Variants in NECAB1 observed in about 807,000 individuals in gnomAD.
NECAB1 encodes the protein N-terminal EF-hand calcium binding protein 1.
In NECAB1, 29 loss-of-function variants were observed where a neutral mutation model predicts 57.5. That is an observed-to-expected ratio of 0.50 (90% CI 0.38 to 0.69). The LOEUF is 0.69. Ranked by LOEUF, NECAB1 falls within the 30% of genes least tolerant of loss-of-function variation. The pLI is 0.00. For synonymous variants in NECAB1, 142 were observed against 147.7 expected, an observed-to-expected ratio of 0.96 and a Z score of 0.28; for missense variants, 372 against 413.8, an observed-to-expected ratio of 0.90 and a Z score of 0.88.
intron 4 of NECAB1, among the ~76,000 whole-genome samples, chr8:90,879,172 C>A: frequency 7.2e-6 from 1 of 138,850 alleles, no homozygotes; most frequent in Non-Finnish European, 1.5e-5. Context: ...TTTTTAGCAA[C>A]AATTTTTTTG....
chr8:90,862,754 A>C (rs1808424826), intron 3 of NECAB1, among the ~76,000 whole-genome samples: 1 of 152,072 alleles, frequency 6.6e-6, no homozygotes, highest in African/African-American at 2.4e-5. Flanking sequence ...AATTCTATTG[A>C]ATGTTGGAAA....
chr8:90,953,594 CATTT>C (rs1810960439), intron 12 of NECAB1, among the ~76,000 whole-genome samples: 2 of 152,212 alleles, frequency 1.3e-5, no homozygotes, highest in Admixed American at 6.5e-5. Context: ...AACATTTTGA[CATTT>C]ATTGGGACAT....
At chr8:90,947,042 T>C (rs1387611214) in intron 10 of NECAB1, among the ~76,000 whole-genome samples, 1 of 152,102 alleles carries the variant, frequency 6.6e-6, no homozygotes, top group Non-Finnish European at 1.5e-5. Flanking sequence ...AATGCTTAAA[T>C]TAGACCCTGG....
Position 90,906,883 on chromosome 8 carries a change from A to ATG in NECAB1, c.358-10608_358-10607insGT, listed in dbSNP as rs1451327912. Among the ~76,000 whole-genome samples, 382 of 80,764 alleles carry ATG rather than the reference A, an allele frequency of 4.7e-3. 11 individuals are homozygous for ATG. Among genetic ancestry groups the ATG allele is most frequent in the African/African-American group, 0.017 (357 of 21,026 alleles). The allele number at this position is 80,764 out of a possible 152,430, so 53.0% of individuals were successfully genotyped here. ...CCTTACATATGATATACACATATATATATATATATATATATATATATATAT... is the reference window on the plus strand; with the variant it reads ...CCTTACATATGATATACACATATATATGTATATATATATATATATATATATAT... On this transcript the variant is annotated intron_variant, in intron 5 of 12. Transcript: ENST00000417640.
chr8:90,864,802 T>G (rs1366489118), intron 3 of NECAB1, among the ~76,000 whole-genome samples: 1 of 152,180 alleles, frequency 6.6e-6, no homozygotes, highest in South Asian at 2.1e-4. Flanking sequence ...GCATGGCTTA[T>G]GTCATCTTAC....
intron 1 of NECAB1, 29 bp downstream of exon 1, chr8:90,792,014 T>G (rs2130633385): frequency 2.0e-4 from 299 of 1,524,238 alleles, no homozygotes; most frequent in Middle Eastern, 3.4e-4. Flanking sequence ...AGCTGGGCGG[T>G]TGCTTCCCAG....
chr8:90,825,306 A>G (rs1443510699), intron 3 of NECAB1, among the ~76,000 whole-genome samples: 1 of 151,864 alleles, frequency 6.6e-6, no homozygotes, highest in African/African-American at 2.4e-5. Flanking sequence ...TGGAGAGCCA[A>G]TGTATATGGT....
At chr8:90,826,305 G>A (rs1370084654) in intron 3 of NECAB1, among the ~76,000 whole-genome samples, 1 of 151,882 alleles carries the variant, frequency 6.6e-6, no homozygotes, top group Non-Finnish European at 1.5e-5. Flanking sequence ...GTTTGCAAAA[G>A]TGCTTCAACT....
chr8:90,917,459 T>C, intron 5 of NECAB1, 33 bp from the exon 6 acceptor site: 3 of 1,557,828 alleles, frequency 1.9e-6, no homozygotes, highest in East Asian at 4.5e-5. Flanking sequence ...TTTTCTACCA[T>C]ACTTCTAATT....
chr8:90,804,971 A>G (rs532439145), intron 2 of NECAB1, among the ~76,000 whole-genome samples: 31 of 152,230 alleles, frequency 2.0e-4, no homozygotes, highest in Non-Finnish European at 3.8e-4. Context: ...TTTTGCTGCT[A>G]TTATGATTAA....
At chr8:90,918,116 T>G (rs539763841) in intron 6 of NECAB1, among the ~76,000 whole-genome samples, 1 of 150,790 alleles carries the variant, frequency 6.6e-6, no homozygotes, top group South Asian at 2.1e-4. Context: ...TTCAAGCAAT[T>G]CTTGTGCCTC....
rs1435042095 is a variant in NECAB1, at chr8:90,805,609, C to A, written c.124+3894C>A. On this transcript the variant is annotated intron_variant, in intron 2 of 12. Coordinates refer to ENST00000417640, the MANE Select transcript of NECAB1 (RefSeq NM_022351.5). ...TGCTAGTGCTTTGAGCCAAAGAAAC[C>A]CAAATTCAAATTTTTAGAAATATAA... 2.0e-5 allele frequency among the ~76,000 whole-genome samples: 3 copies of A among 150,544 alleles called. No homozygotes were observed. In the East Asian group the frequency reaches 5.8e-4, roughly 29 times the overall value.
Position 90,925,326 on chromosome 8 carries a change from TAAAG to T in NECAB1, c.495-204_495-201del, listed in dbSNP as rs1441396330. ...CAATTTTTACTCAGAATTTTAAGAATAAAGAAAGCTCAGAATTCTCTTTCTTAGG... is the reference window on the plus strand; with the variant it reads ...CAATTTTTACTCAGAATTTTAAGAATAAAGCTCAGAATTCTCTTTCTTAGG... On this transcript the variant is annotated intron_variant, in intron 6 of 12. Coordinates refer to ENST00000417640, the MANE Select transcript of NECAB1 (RefSeq NM_022351.5). Among the ~76,000 whole-genome samples, 17 of 152,322 alleles carry T rather than the reference TAAAG, an allele frequency of 1.1e-4. No homozygotes were observed. In the East Asian group the frequency reaches 3.1e-3, roughly 28 times the overall value.
At chr8:90,919,124 A>T (rs1306848093) in intron 6 of NECAB1, among the ~76,000 whole-genome samples, 1 of 152,166 alleles carries the variant, frequency 6.6e-6, no homozygotes, top group East Asian at 1.9e-4. Flanking sequence ...TGCTTAAGAG[A>T]CACCTATACT....
At chr8:90,923,387 C>T (rs930446714) in intron 6 of NECAB1, among the ~76,000 whole-genome samples, 2 of 101,414 alleles carry the variant, frequency 2.0e-5, no homozygotes, top group Non-Finnish European at 3.4e-5. Flanking sequence ...CAACAGGGCT[C>T]AGACTCCAGT....
intron 5 of NECAB1, among the ~76,000 whole-genome samples, chr8:90,902,222 C>T (rs981517051): frequency 6.6e-6 from 1 of 152,234 alleles, no homozygotes; most frequent in African/African-American, 2.4e-5. Context: ...GAGTTTGAGA[C>T]CAGCCTGGAC....
chr8:90,808,108 A>G (rs1197277261), intron 2 of NECAB1, among the ~76,000 whole-genome samples: 1 of 152,192 alleles, frequency 6.6e-6, no homozygotes, highest in Non-Finnish European at 1.5e-5. Flanking sequence ...TTATCTTTAC[A>G]TAGCTGGGTT....
At chr8:90,877,096 C>T (rs1426370627) in intron 4 of NECAB1, among the ~76,000 whole-genome samples, 3 of 152,184 alleles carry the variant, frequency 2.0e-5, no homozygotes, top group Non-Finnish European at 4.4e-5. Context: ...ACATGAGAAA[C>T]TTGGAATAAA....
chr8:90,811,896 C>A (rs765540137), intron 2 of NECAB1, among the ~76,000 whole-genome samples: 4 of 152,142 alleles, frequency 2.6e-5, no homozygotes, highest in Non-Finnish European at 5.9e-5. Flanking sequence ...ATCCTTAAAG[C>A]AACAACTGAG....
Sources: gnomAD v4.1 joint callset for allele counts (sites outside exome capture counted in the v4.1 genomes callset) on GRCh38, gnomAD v4.1.1 for gene constraint, MANE v1.5 for transcripts, NCBI Gene and HGNC (gene_info 2026-07-23, HGNC 2026-07-21) for gene names.